The following ROBO2 variants were observed in gnomAD, a reference collection of about 807,000 sequenced individuals.
ROBO2 encodes roundabout homolog 2.
In ROBO2, 53 loss-of-function variants were observed where a neutral mutation model predicts 160.8. The ratio of observed to expected loss-of-function variants is 0.33; its 90% CI spans 0.26 to 0.41. ROBO2 has a LOEUF of 0.41. Ranked by LOEUF, ROBO2 falls within the 10% of genes least tolerant of loss-of-function variation. The pLI, the probability that ROBO2 is intolerant of heterozygous loss-of-function variation, is 1.00. For synonymous variants in ROBO2, 664 were observed against 611.7 expected (o/e 1.09, Z -1.26); for missense variants, 1,577 against 1,722.4 (o/e 0.92, Z 1.49).
rs1358353906 is a variant in ROBO2, at chr3:77,632,530, C to T, written c.3761-2340C>T. On this transcript the variant is annotated intron_variant, in intron 23 of 25. Coordinates refer to ENST00000461745, the Ensembl canonical transcript of ROBO2. Reference sequence around the variant, plus strand: ...TGATGAGGATCGTAACTTTTCTAGTCATAGATCTAGTGTAGGTAGCTCCTC... The same window carrying T: ...TGATGAGGATCGTAACTTTTCTAGTTATAGATCTAGTGTAGGTAGCTCCTC... The T allele has an allele frequency of 3.9e-6, 6 of 1,535,688 alleles. No individual in the cohort carries two copies. The South Asian group carries it at 6.0e-5, about 15-fold the overall frequency.
chr3:76,286,141 A>G (rs1708494243), intron 2 of ROBO2, among the ~76,000 whole-genome samples: 1 of 152,206 alleles, frequency 6.6e-6, no homozygotes, highest in South Asian at 2.1e-4. Context: ...GAACAGATGG[A>G]ATTGCCACTT....
intron 2 of ROBO2, among the ~76,000 whole-genome samples, chr3:75,946,829 G>A (rs1948316136): frequency 6.6e-6 from 1 of 152,048 alleles, no homozygotes; most frequent in African/African-American, 2.4e-5. Context: ...ATATCAAAGT[G>A]TGAATATAAA....
intron 2 of ROBO2, among the ~76,000 whole-genome samples, chr3:76,911,909 C>CAG (rs1553688871): frequency 2.0e-5 from 3 of 152,008 alleles, no homozygotes; most frequent in Non-Finnish European, 1.5e-5. Flanking sequence ...GTCAGGGTTG[C>CAG]AGTGAGCTGT....
At chr3:77,564,412 G>A (rs2093422179) in intron 11 of ROBO2, 2 of 454,856 alleles carry the variant, frequency 4.4e-6, no homozygotes, top group South Asian at 3.1e-5. Flanking sequence ...GTAACCAAGG[G>A]AAAATATTCA....
At chr3:76,391,051 C>G (rs1004778357) in intron 2 of ROBO2, among the ~76,000 whole-genome samples, 1 of 151,972 alleles carries the variant, frequency 6.6e-6, no homozygotes, top group African/African-American at 2.4e-5. Flanking sequence ...GTCTTCAGCA[C>G]AGTGCCTAGT....
intron 2 of ROBO2, among the ~76,000 whole-genome samples, chr3:76,357,053 A>C (rs913278962): frequency 1.3e-5 from 2 of 151,950 alleles, no homozygotes; most frequent in Admixed American, 1.3e-4. Context: ...ACTATTTAAA[A>C]AAAGGCAGAG....
chr3:77,261,485 A>G (rs1157790568), intron 2 of ROBO2, among the ~76,000 whole-genome samples: 1 of 152,210 alleles, frequency 6.6e-6, no homozygotes, highest in Non-Finnish European at 1.5e-5. Flanking sequence ...CTCTAAGGAA[A>G]TGGCATAAAA....
At chr3:77,454,014 C>T (rs770342095) in intron 2 of ROBO2, among the ~76,000 whole-genome samples, 26 of 151,962 alleles carry the variant, frequency 1.7e-4, no homozygotes, top group Non-Finnish European at 3.2e-4. Flanking sequence ...TCCTCATTTC[C>T]CGTTAATGAT....
chr3:76,688,059 A>C (rs2092721026), intron 2 of ROBO2, among the ~76,000 whole-genome samples: 1 of 152,126 alleles, frequency 6.6e-6, no homozygotes, highest in Admixed American at 6.6e-5. Flanking sequence ...TACTTCATAA[A>C]GAAATTATAG....
At chr3:76,311,099 T>G (rs947680913) in intron 2 of ROBO2, 1 of 152,214 alleles carries the variant, frequency 6.6e-6, no homozygotes, top group African/African-American at 2.4e-5. Flanking sequence ...CAGGGCTGAC[T>G]GCGTACTGAG....
intron 2 of ROBO2, among the ~76,000 whole-genome samples, chr3:76,798,306 AAGAAAG>A (rs1302681354): frequency 6.6e-6 from 1 of 151,312 alleles, no homozygotes; most frequent in Non-Finnish European, 1.5e-5. Flanking sequence ...GAAAGAAAGA[AAGAAAG>A]AAAAAAGAAC....
At chr3:77,212,930 T>A (rs2084384542) in intron 2 of ROBO2, among the ~76,000 whole-genome samples, 1 of 152,200 alleles carries the variant, frequency 6.6e-6, no homozygotes, top group Admixed American at 6.5e-5. Flanking sequence ...GAAGCCCACT[T>A]GATCATGGTG....
intron 2 of ROBO2, among the ~76,000 whole-genome samples, chr3:77,129,055 T>C (rs2075608412): frequency 6.6e-6 from 1 of 152,088 alleles, no homozygotes; most frequent in African/African-American, 2.4e-5. Flanking sequence ...AATTGCCTAT[T>C]TATGTTTAAG....
intron 16 of ROBO2, among the ~76,000 whole-genome samples, chr3:77,585,655 G>C (rs908284166): frequency 6.6e-6 from 1 of 151,948 alleles, no homozygotes; most frequent in South Asian, 2.1e-4. Context: ...ATTCAACCTA[G>C]AAAAGGCTAT....
intron 2 of ROBO2, among the ~76,000 whole-genome samples, chr3:76,395,359 C>A (rs1211511822): frequency 6.7e-6 from 1 of 149,280 alleles, no homozygotes; most frequent in Non-Finnish European, 1.5e-5. Flanking sequence ...CACTAAATGC[C>A]CACAAGAGAA....
chr3:77,203,398 C>G (rs1320957288), intron 2 of ROBO2, among the ~76,000 whole-genome samples: 1 of 152,100 alleles, frequency 6.6e-6, no homozygotes, highest in African/African-American at 2.4e-5. Context: ...TTAGGTTAAG[C>G]ATCTGTTTTT....
chr3:76,597,051 C>T (rs902790555), intron 2 of ROBO2, among the ~76,000 whole-genome samples: 1 of 152,008 alleles, frequency 6.6e-6, no homozygotes, highest in Non-Finnish European at 1.5e-5. Flanking sequence ...ATTGGACATC[C>T]ACAGTAAAAT....
intron 2 of ROBO2, among the ~76,000 whole-genome samples, chr3:76,231,931 T>A (rs1363256269): frequency 6.6e-6 from 1 of 152,220 alleles, no homozygotes; most frequent in Non-Finnish European, 1.5e-5. Flanking sequence ...TGATAATTTT[T>A]TATTACTTAT....
intron 2 of ROBO2, among the ~76,000 whole-genome samples, chr3:76,555,414 GAAGAA>G (rs2083701648): frequency 1.5e-5 from 1 of 68,152 alleles, no homozygotes; most frequent in African/African-American, 3.0e-5. Context: ...AGAAGAAGAA[GAAGAA>G]AGAAGGAGAA....
Sources: allele counts gnomAD v4.1 joint callset (sites outside exome capture counted in the v4.1 genomes callset), GRCh38; gene constraint gnomAD v4.1.1; transcripts MANE v1.5; gene names NCBI Gene and HGNC (gene_info 2026-07-23, HGNC 2026-07-21).